The following KIAA0232 variants were observed in gnomAD, a reference collection of about 807,000 sequenced individuals.
KIAA0232 encodes the protein uncharacterized protein KIAA0232.
In KIAA0232, 27 loss-of-function variants were observed where a neutral mutation model predicts 122.0. The ratio of observed to expected loss-of-function variants is 0.22; its 90% CI spans 0.16 to 0.31. The LOEUF is 0.31. Ranked by LOEUF, KIAA0232 falls within the 10% of genes least tolerant of loss-of-function variation. The pLI is 1.00. For missense variants in KIAA0232, 1,551 were observed against 1,634.2 expected (o/e 0.95, Z 0.88); for synonymous variants, 613 against 587.6 (o/e 1.04, Z -0.63).
chr4:6,801,179 A>G (rs1717369337), intron 1 of KIAA0232, among the ~76,000 whole-genome samples: 1 of 152,356 alleles, frequency 6.6e-6, no homozygotes, highest in African/African-American at 2.4e-5. Flanking sequence ...TCTATTCAGT[A>G]TCCACTGGCT....
At chr4:6,865,863 C>G (rs1036221122) in intron 7 of KIAA0232, among the ~76,000 whole-genome samples, 4 of 152,206 alleles carry the variant, frequency 2.6e-5, no homozygotes, top group African/African-American at 4.8e-5. Context: ...CACTTTATGC[C>G]TCTTTTTGAT....
intron 3 of KIAA0232, among the ~76,000 whole-genome samples, chr4:6,835,495 T>C (rs1286899514): frequency 6.6e-6 from 1 of 152,230 alleles, no homozygotes; most frequent in African/African-American, 2.4e-5. Context: ...TACTTTAAGT[T>C]CTAGAGTACA....
At chr4:6,843,448 C>T (rs181994076) in intron 4 of KIAA0232, among the ~76,000 whole-genome samples, 17 of 152,250 alleles carry the variant, frequency 1.1e-4, no homozygotes, top group Non-Finnish European at 7.4e-5. Flanking sequence ...TAGTGTTTCC[C>T]ACCTTTCTGT....
At chr4:6,814,970 T>G (rs1271291424) in intron 2 of KIAA0232, among the ~76,000 whole-genome samples, 1 of 152,148 alleles carries the variant, frequency 6.6e-6, no homozygotes, top group African/African-American at 2.4e-5. Context: ...TGGGCTAATT[T>G]TGCATAAGAG....
intron 1 of KIAA0232, among the ~76,000 whole-genome samples, chr4:6,802,892 T>G (rs1174560861): frequency 6.6e-6 from 1 of 151,446 alleles, no homozygotes; most frequent in Non-Finnish European, 1.5e-5. Context: ...GGGCAGTGGC[T>G]CATGCTTGTA....
At chr4:6,843,243 T>G (rs1455844955) in intron 4 of KIAA0232, among the ~76,000 whole-genome samples, 1 of 152,208 alleles carries the variant, frequency 6.6e-6, no homozygotes, top group Non-Finnish European at 1.5e-5. Flanking sequence ...TTGACCATAC[T>G]ATTTGAGAAG....
At chr4:6,798,751 T>A (rs1337775013) in intron 1 of KIAA0232, among the ~76,000 whole-genome samples, 2 of 152,144 alleles carry the variant, frequency 1.3e-5, no homozygotes, top group African/African-American at 4.8e-5. Flanking sequence ...GGAGCCTCCC[T>A]GTGTTGTCCA....
Position 6,861,041 on chromosome 4 carries a change from C to T in KIAA0232, c.659C>T (p.Ser220Phe). 1 of 1,614,176 alleles carries T rather than the reference C, an allele frequency of 6.2e-7. No homozygotes were observed. The highest frequency in any genetic ancestry group is 8.5e-7 in the Non-Finnish European group (1 of 1,180,032). ...STAPPASTDT[S>F]SPKDCNSESE... ...GCCCCACCAGCTAGCACAGATACTT[C>T]CTCTCCTAAGGACTGCAACAGTGAA... is the stretch of plus-strand genomic sequence containing the variant. Residue 220 changes from serine (S) to phenylalanine (F), a missense_variant, in exon 7 of 10, where the codon TCC becomes TTC. By Grantham distance (155) the Ser-to-Phe change is radical. Transcript: ENST00000307659.
intron 3 of KIAA0232, among the ~76,000 whole-genome samples, chr4:6,832,734 G>A (rs900124753): frequency 6.6e-5 from 10 of 152,152 alleles, no homozygotes; most frequent in Non-Finnish European, 4.4e-5. Context: ...GCTCAGATAC[G>A]TATTAGACAA....
intron 2 of KIAA0232, among the ~76,000 whole-genome samples, chr4:6,810,040 A>G (rs1188292862): frequency 6.6e-6 from 1 of 152,196 alleles, no homozygotes; most frequent in Non-Finnish European, 1.5e-5. Context: ...ACCCCTATCA[A>G]AATACTAATG....
At chr4:6,829,094 G>T (rs1718839473) in intron 3 of KIAA0232, among the ~76,000 whole-genome samples, 1 of 151,960 alleles carries the variant, frequency 6.6e-6, no homozygotes, top group Non-Finnish European at 1.5e-5. Flanking sequence ...TCATGACATG[G>T]ACACTTTTGG....
chr4:6,872,986 T>A (rs762946518), intron 8 of KIAA0232, among the ~76,000 whole-genome samples: 1 of 152,210 alleles, frequency 6.6e-6, no homozygotes, highest in Non-Finnish European at 1.5e-5. Flanking sequence ...TTCATCTGGG[T>A]CATAAGGAGA....
At chr4:6,864,721 G>C (rs544950074) in intron 7 of KIAA0232, among the ~76,000 whole-genome samples, 36 of 137,006 alleles carry the variant, frequency 2.6e-4, no homozygotes, top group African/African-American at 9.3e-4. Context: ...CTGGGTGACA[G>C]GGTGAGACTC....
Position 6,881,088 on chromosome 4 carries a change from G to T in KIAA0232, c.*122G>T. 1.5e-6 allele frequency: 1 copy of T among 665,928 alleles called. No homozygotes were observed. The highest frequency in any genetic ancestry group is 4.1e-5 in the South Asian group (1 of 24,158). The allele number at this position is 665,928 out of a possible 1,614,324, so 41.3% of individuals were successfully genotyped here. On this transcript the variant is annotated 3_prime_UTR_variant, in exon 10 of 10. Coordinates refer to ENST00000307659, the MANE Select transcript of KIAA0232 (RefSeq NM_014743.3). Reference sequence around the variant, plus strand: ...CCTCTTCAATTAACTGATTCAGATTGGTAATAATTATCTTTCTCTTCTTGC... The same window carrying T: ...CCTCTTCAATTAACTGATTCAGATTTGTAATAATTATCTTTCTCTTCTTGC...
intron 3 of KIAA0232, among the ~76,000 whole-genome samples, chr4:6,831,148 C>T (rs1718954571): frequency 6.6e-6 from 1 of 152,090 alleles, no homozygotes; most frequent in Non-Finnish European, 1.5e-5. Context: ...CTCCACCTCC[C>T]AGGTTCAAGC....
In KIAA0232 at chr4:6,863,123, C is replaced by T; in HGVS notation, c.2741C>T (p.Pro914Leu). The T allele has an allele frequency of 6.2e-7, 1 of 1,614,128 alleles. No homozygotes were observed. Among genetic ancestry groups the T allele is most frequent in the South Asian group, 1.1e-5 (1 of 91,078 alleles). ...GTGGATGGTGGTGATTATACAACAC[C>T]CTCTAAACCCTGGGATGTAGCCCAA... Reference protein sequence around the residue: ...SNVDGGDYTTPSKPWDVAQDK... With the variant: ...SNVDGGDYTTLSKPWDVAQDK... Residue 914 changes from proline (P) to leucine (L), a missense_variant, in exon 7 of 10, where the codon CCC becomes CTC. Pro to Leu is a moderately conservative substitution (Grantham distance 98, BLOSUM62 -3). Transcript: ENST00000307659.
chr4:6,795,058 C>A (rs1405773463), intron 1 of KIAA0232, among the ~76,000 whole-genome samples: 1 of 149,192 alleles, frequency 6.7e-6, no homozygotes, highest in Non-Finnish European at 1.5e-5. Context: ...AAGGCAGCCA[C>A]AAGCCACATG....
chr4:6,815,612 T>C (rs1056130008), intron 2 of KIAA0232, among the ~76,000 whole-genome samples: 1 of 152,192 alleles, frequency 6.6e-6, no homozygotes, highest in Non-Finnish European at 1.5e-5. Flanking sequence ...ACCCCAGTTA[T>C]TACTATCCAC....
Position 6,862,439 on chromosome 4 carries a change from C to G in KIAA0232, c.2057C>G (p.Ser686Cys). ...GCTAATATGCTTGGGAAAACACAGT[C>G]TAGATTGCTAATATGGACCAAAAAT... ...SSANMLGKTQ[S>C]RLLIWTKNSA... Residue 686 changes from serine (S) to cysteine (C), a missense_variant, in exon 7 of 10, where the codon TCT (serine) becomes TGT (cysteine). By Grantham distance (112) the Ser-to-Cys change is moderately radical. Coordinates refer to ENST00000307659, the MANE Select transcript of KIAA0232 (RefSeq NM_014743.3). 6.2e-7 allele frequency: 1 copy of G among 1,614,096 alleles called. No homozygotes were observed. The highest frequency in any genetic ancestry group is 8.5e-7 in the Non-Finnish European group (1 of 1,180,012).
Sources: allele counts gnomAD v4.1 joint callset (sites outside exome capture counted in the v4.1 genomes callset), GRCh38; gene constraint gnomAD v4.1.1; transcripts MANE v1.5; gene names NCBI Gene and HGNC (gene_info 2026-07-23, HGNC 2026-07-21).